RADX: variants seen among roughly 807,000 people sequenced by gnomAD.
RADX encodes RPA1 related single stranded DNA binding protein, X-linked.
A neutral mutation model predicts 61.6 loss-of-function variants in RADX; 36 were observed. That is an observed-to-expected ratio of 0.58 (90% CI 0.45 to 0.77). RADX has a LOEUF of 0.77. Ranked by LOEUF, RADX falls within the 30% of genes least tolerant of loss-of-function variation. RADX has a pLI of 0.00. For missense variants in RADX, 497 were observed against 651.1 expected, an observed-to-expected ratio of 0.76 and a Z score of 2.58; for synonymous variants, 272 against 237.9, an observed-to-expected ratio of 1.14 and a Z score of -1.32.
Position 106,648,336 on chromosome X carries a change from C to T in RADX, c.1928C>T (p.Ala643Val), listed in dbSNP as rs760605992. ...ANPVAVPQPGASVQTKGIKPG... is the reference protein window; with the variant it reads ...ANPVAVPQPGVSVQTKGIKPG... Reference sequence around the variant, plus strand: ...AGAGTTGCTGTACCTCAACCAGGAGCTTCTGTACAAACAAAGGGAATTAAA... The same window carrying T: ...AGAGTTGCTGTACCTCAACCAGGAGTTTCTGTACAAACAAAGGGAATTAAA... Residue 643 changes from alanine to valine, a missense_variant, in exon 11 of 14, where the codon GCT (alanine) becomes GTT (valine). Physicochemically the swap from Ala to Val is moderately conservative, Grantham distance 64 (BLOSUM62 0). Around this residue, in one of 3 missense-constraint regions of RADX, gnomAD observed 267 missense variants for 306.9 expected, o/e 0.87. Transcript: ENST00000372548. 8.4e-7 allele frequency: 1 copy of T among 1,196,283 alleles called. No homozygotes were observed. Among genetic ancestry groups the T allele is most frequent in the South Asian group, 1.8e-5 (1 of 55,698 alleles).
intron 1 of RADX, among the ~76,000 whole-genome samples, chrX:106,617,020 G>GTTTTTTTTTTTTTTTTT (rs60413185): frequency 1.8e-5 from 1 of 54,544 alleles, no homozygotes; most frequent in African/African-American, 8.7e-5. Flanking sequence ...GTGTGTGTGG[G>GTTTTTTTTTTTTTTTTT]TTTTTTTTTT....
At chrX:106,636,682 T>G in intron 7 of RADX, 35 bp downstream of exon 7, 1 of 805,153 alleles carries the variant, frequency 1.2e-6, no homozygotes, top group Non-Finnish European at 1.8e-6. Context: ...ATTAGAAATA[T>G]ATTTTCTCTT....
At chrX:106,631,916 A>G (rs1331135160) in intron 3 of RADX, among the ~76,000 whole-genome samples, 4 of 111,702 alleles carry the variant, frequency 3.6e-5, no homozygotes, top group Non-Finnish European at 7.5e-5. Flanking sequence ...ATGTGTATCA[A>G]TGGGAATTTT....
intron 1 of RADX, among the ~76,000 whole-genome samples, chrX:106,614,088 GATAAAATCTAGGAAGTGGGCAT>G (rs1926743198): frequency 1.8e-5 from 2 of 111,522 alleles, no homozygotes; most frequent in South Asian, 7.5e-4. Flanking sequence ...AAATGTTAGT[GATAAAATCTAGGAAGTGGGCAT>G]ATTGATGTTC....
intron 13 of RADX, among the ~76,000 whole-genome samples, chrX:106,677,471 T>A (rs1472376244): frequency 9.1e-6 from 1 of 109,889 alleles, no homozygotes. Flanking sequence ...CTGGAACTCG[T>A]TACTCTGCCA....
intron 3 of RADX, among the ~76,000 whole-genome samples, chrX:106,630,801 C>T (rs1927198568): frequency 9.0e-6 from 1 of 111,010 alleles, no homozygotes; most frequent in Non-Finnish European, 1.9e-5. Context: ...AAATAACTAT[C>T]GAGTACTAGG....
intron 12 of RADX, among the ~76,000 whole-genome samples, chrX:106,662,512 G>T (rs147380782): frequency 3.6e-5 from 4 of 110,434 alleles, no homozygotes; most frequent in Non-Finnish European, 7.6e-5. Context: ...GTCCTTGGAA[G>T]GTATCTGGCG....
chrX:106,633,364 G>A, intron 6 of RADX, 112 bp downstream of exon 6: 1 of 592,145 alleles, frequency 1.7e-6, no homozygotes, highest in Non-Finnish European at 2.6e-6. Context: ...GGCAATTCAA[G>A]CAGTCTGACA....
Position 106,667,170 on chromosome X carries a change from T to G in RADX, c.2270-1993T>G, listed in dbSNP as rs1231854019. 3.6e-5 allele frequency among the ~76,000 whole-genome samples: 4 copies of G among 111,584 alleles called. No homozygotes were observed. The Admixed American group carries it at 3.8e-4, about 11-fold the overall frequency. On this transcript the variant is annotated intron_variant, in intron 12 of 13. Coordinates refer to ENST00000372548, the MANE Select transcript of RADX (RefSeq NM_018015.6). ...GGTTAAATTTTAAATAGCAGAGGTC[T>G]CCTGGAGAAAGGAACATTTCAGAAA...
chrX:106,677,181 C>T (rs909135591), intron 13 of RADX, among the ~76,000 whole-genome samples: 3 of 111,992 alleles, frequency 2.7e-5, no homozygotes, highest in African/African-American at 9.7e-5. Flanking sequence ...CACACAACCA[C>T]ATCTTTGAGA....
At chrX:106,624,629 A>G (rs1285314064) in intron 2 of RADX, among the ~76,000 whole-genome samples, 1 of 111,547 alleles carries the variant, frequency 9.0e-6, no homozygotes, top group African/African-American at 3.3e-5. Flanking sequence ...TTTAGCTATT[A>G]TTATTAGGTA....
chrX:106,628,790 A>T (rs1043826258), intron 3 of RADX, among the ~76,000 whole-genome samples: 2 of 109,897 alleles, frequency 1.8e-5, no homozygotes, highest in African/African-American at 6.6e-5. Context: ...GCCCACCACC[A>T]TGCCAGGCTA....
At chrX:106,673,005 C>G (rs1406749822) in intron 13 of RADX, among the ~76,000 whole-genome samples, 1 of 111,243 alleles carries the variant, frequency 9.0e-6, no homozygotes, top group Non-Finnish European at 1.9e-5. Flanking sequence ...GCTGCCTGGC[C>G]TGGCACTCAC....
At chrX:106,618,228 G>A (rs1296813188) in intron 1 of RADX, among the ~76,000 whole-genome samples, 2 of 111,207 alleles carry the variant, frequency 1.8e-5, no homozygotes, top group Non-Finnish European at 3.8e-5. Context: ...GTTTAAATCA[G>A]TTTTGTCGTT....
chrX:106,666,792 A>G (rs1016198030), intron 12 of RADX, among the ~76,000 whole-genome samples: 1 of 112,359 alleles, frequency 8.9e-6, no homozygotes, highest in Non-Finnish European at 1.9e-5. Flanking sequence ...AGAAAAGATT[A>G]TTTTAACAGC....
intron 3 of RADX, among the ~76,000 whole-genome samples, chrX:106,626,091 A>G (rs1202362907): frequency 8.9e-6 from 1 of 111,750 alleles, no homozygotes; most frequent in Non-Finnish European, 1.9e-5. Context: ...TTTTTGGACC[A>G]TTAAGATTAA....
intron 6 of RADX, among the ~76,000 whole-genome samples, chrX:106,634,758 A>C (rs775662038): frequency 8.9e-6 from 1 of 111,872 alleles, no homozygotes. Context: ...ATTGGCAGTG[A>C]TGACTTCTGG....
At chrX:106,623,039 A>G (rs1926990160) in intron 2 of RADX, among the ~76,000 whole-genome samples, 1 of 110,177 alleles carries the variant, frequency 9.1e-6, no homozygotes, top group East Asian at 2.8e-4. Context: ...CCACCTTTTT[A>G]TTTTCCTTCA....
intron 10 of RADX, among the ~76,000 whole-genome samples, chrX:106,645,736 A>G (rs1477071480): frequency 9.0e-6 from 1 of 111,503 alleles, no homozygotes; most frequent in Non-Finnish European, 1.9e-5. Context: ...CAGCTGTTGG[A>G]TTACATGTTC....
Sources: gnomAD v4.1 joint callset for allele counts (sites outside exome capture counted in the v4.1 genomes callset) on GRCh38, gnomAD v4.1.1 for gene constraint, gnomAD v4.1.1 regional missense constraint, MANE v1.5 for transcripts, NCBI Gene and HGNC (gene_info 2026-07-23, HGNC 2026-07-21) for gene names.